The following PIK3C2A variants were observed in gnomAD, a reference collection of about 807,000 sequenced individuals.
The protein encoded by PIK3C2A is phosphatidylinositol 4-phosphate 3-kinase C2 domain-containing subunit alpha.
Under a neutral mutation model 204.5 loss-of-function variants are expected in PIK3C2A, and 97 were observed. The observed-to-expected ratio is 0.47, with a 90% CI of 0.40 to 0.56. The LOEUF (loss-of-function observed/expected upper bound fraction) is 0.56. PIK3C2A is among the 20% of genes least tolerant of loss of function. The pLI is 0.00. For missense variants in PIK3C2A, 1,735 were observed against 1,969.2 expected (o/e 0.88, Z 2.25); for synonymous variants, 653 against 664.4 (o/e 0.98, Z 0.26).
intron 6 of PIK3C2A, among the ~76,000 whole-genome samples, chr11:17,146,519 C>T (rs2137425124): frequency 6.6e-6 from 1 of 151,888 alleles, no homozygotes; most frequent in Non-Finnish European, 1.5e-5. Flanking sequence ...TCGAGACCAG[C>T]CTGGCCAACA....
intron 1 of PIK3C2A, among the ~76,000 whole-genome samples, chr11:17,185,760 G>A (rs1416131445): frequency 4.6e-5 from 7 of 151,956 alleles, no homozygotes; most frequent in East Asian, 1.9e-4. Flanking sequence ...TCTTCATTAC[G>A]TTCTCAATAC....
intron 1 of PIK3C2A, among the ~76,000 whole-genome samples, chr11:17,172,019 C>A (rs1001643031): frequency 2.0e-5 from 3 of 152,100 alleles, no homozygotes; most frequent in African/African-American, 7.2e-5. Context: ...CTAGGTGATA[C>A]AAATATGAGT....
chr11:17,184,340 G>A (rs947569534), intron 1 of PIK3C2A, among the ~76,000 whole-genome samples: 16 of 152,038 alleles, frequency 1.1e-4, no homozygotes, highest in Admixed American at 7.9e-4. Flanking sequence ...GGCCCCTGAG[G>A]ACTTCCAGTG....
chr11:17,165,760 A>T (rs1398192942), intron 2 of PIK3C2A, among the ~76,000 whole-genome samples: 1 of 142,022 alleles, frequency 7.0e-6, no homozygotes, highest in Non-Finnish European at 1.5e-5. Flanking sequence ...GGGCAACAAG[A>T]GAGAAACTGT....
intron 22 of PIK3C2A, among the ~76,000 whole-genome samples, chr11:17,108,679 T>C (rs1223740463): frequency 6.6e-6 from 1 of 152,174 alleles, no homozygotes; most frequent in African/African-American, 2.4e-5. Flanking sequence ...AAGACATGGC[T>C]TAGCAGAAGC....
At chr11:17,156,083 T>G (rs1277385778) in intron 2 of PIK3C2A, among the ~76,000 whole-genome samples, 1 of 152,110 alleles carries the variant, frequency 6.6e-6, no homozygotes, top group Non-Finnish European at 1.5e-5. Context: ...GAATGGGCAT[T>G]TTCTAGGTTA....
Position 17,124,890 on chromosome 11 carries a change from T to C in PIK3C2A, c.2400-2077A>G, listed in dbSNP as rs916178035. Among the ~76,000 whole-genome samples the C allele has an allele frequency of 2.0e-5, 3 of 152,202 alleles. No homozygotes were observed. The East Asian group carries it at 5.8e-4, about 29-fold the overall frequency. On this transcript the variant is annotated intron_variant, in intron 13 of 32. Coordinates refer to ENST00000691414, the MANE Select transcript of PIK3C2A (RefSeq NM_002645.4). ...TTTTGCTGGTTATACTCCTCTGGTG[T>C]CATTTCACATGTCCTCCTGTATTTT...
intron 26 of PIK3C2A, among the ~76,000 whole-genome samples, chr11:17,097,773 G>A (rs1057493055): frequency 6.6e-6 from 1 of 152,116 alleles, no homozygotes; most frequent in Non-Finnish European, 1.5e-5. Flanking sequence ...AATTAGCCAG[G>A]TGTGGTGGTG....
chr11:17,136,708 CT>C (rs1174402063), intron 8 of PIK3C2A, 83 bp from the exon 9 acceptor site: 3 of 681,874 alleles, frequency 4.4e-6, no homozygotes, highest in Non-Finnish European at 7.3e-6. Context: ...AACTAGATAT[CT>C]TAGATATCCC....
Position 17,174,543 on chromosome 11 carries a change from G to A in PIK3C2A, c.-65-4737C>T, listed in dbSNP as rs1242313362. Among the ~76,000 whole-genome samples, 6 of 75,226 alleles carry A rather than the reference G, an allele frequency of 8.0e-5. 2 individuals are homozygous for A. Among genetic ancestry groups the A allele is most frequent in the Non-Finnish European group, 9.7e-5 (4 of 41,102 alleles). The allele number at this position is 75,226 out of a possible 152,430, so 49.4% of individuals were successfully genotyped here. Reference sequence around the variant, plus strand: ...CGGGAGGCGGAGCTTGCAGTGAGCCGAGATCCCGCCACTGCACTCCAGCCT... The same window carrying A: ...CGGGAGGCGGAGCTTGCAGTGAGCCAAGATCCCGCCACTGCACTCCAGCCT... On this transcript the variant is annotated intron_variant, in intron 1 of 32. Coordinates refer to ENST00000691414, the MANE Select transcript of PIK3C2A (RefSeq NM_002645.4).
At chr11:17,166,310 T>G (rs995743896) in intron 2 of PIK3C2A, among the ~76,000 whole-genome samples, 10 of 152,090 alleles carry the variant, frequency 6.6e-5, no homozygotes, top group Admixed American at 6.5e-4. Flanking sequence ...AGAGTTCGGT[T>G]TGAGTATGTA....
At chr11:17,102,604 C>A in intron 24 of PIK3C2A, 58 bp downstream of exon 24, 1 of 1,415,762 alleles carries the variant, frequency 7.1e-7, no homozygotes, top group Admixed American at 2.1e-5. Context: ...TTGAGACAAA[C>A]TTTAATTTGT....
rs1590904209 is a variant in PIK3C2A at position 17,101,364 on chromosome 11, G to A, written c.3922C>T (p.Arg1308Cys). The change falls in exon 25 of 33, where the codon CGT (arginine) becomes TGT (cysteine). Residue 1308 changes from arginine to cysteine, a missense_variant. Arg to Cys is a radical substitution (Grantham distance 180, BLOSUM62 -3). Coordinates refer to ENST00000691414, the MANE Select transcript of PIK3C2A (RefSeq NM_002645.4). ...CAGAGGTCCACAAACAACTGAAAAC[G>A]AATGGTGGGCTTTTCACCCCCATTA... ...VINGGEKPTI[R>C]FQLFVDLCCQ... is the part of the protein sequence containing the mutation. 2 of 1,598,910 alleles carry A rather than the reference G, an allele frequency of 1.3e-6. No homozygotes were observed. Among genetic ancestry groups the A allele is most frequent in the East Asian group, 2.2e-5 (1 of 44,790 alleles).
chr11:17,144,644 T>C (rs921496425), intron 8 of PIK3C2A, among the ~76,000 whole-genome samples: 3 of 152,026 alleles, frequency 2.0e-5, no homozygotes, highest in Admixed American at 2.0e-4. Context: ...CCTGTAACCC[T>C]AGCACTTTAG....
intron 28 of PIK3C2A, among the ~76,000 whole-genome samples, chr11:17,092,842 C>CA (rs1029524503): frequency 1.3e-5 from 2 of 151,870 alleles, no homozygotes; most frequent in Admixed American, 6.6e-5. Flanking sequence ...AAAGTAATGG[C>CA]AAAAAACGCA....
chr11:17,110,412 G>A lies in PIK3C2A; in HGVS notation c.3544+20C>T. 6.3e-7 allele frequency: 1 copy of A among 1,595,630 alleles called. No individual in the cohort carries two copies. Among genetic ancestry groups the A allele is most frequent in the Non-Finnish European group, 8.5e-7 (1 of 1,171,438 alleles). On this transcript the variant is annotated intron_variant, in intron 22 of 32. Coordinates refer to ENST00000691414, the MANE Select transcript of PIK3C2A (RefSeq NM_002645.4). ...TTCAAGGAAAAAAATAAGACATCAA[G>A]ACACAGCTAATAAACTTACCTCGAT...
intron 27 of PIK3C2A, 52 bp downstream of exon 27, chr11:17,097,005 G>A: frequency 9.4e-7 from 1 of 1,068,600 alleles, no homozygotes; most frequent in Non-Finnish European, 1.4e-6. Flanking sequence ...GAAGTAGAAA[G>A]GACAACAATA....
chr11:17,093,415 T>C (rs1009588989), intron 28 of PIK3C2A, among the ~76,000 whole-genome samples: 3 of 152,154 alleles, frequency 2.0e-5, no homozygotes, highest in Non-Finnish European at 2.9e-5. Context: ...TACAGGCGCC[T>C]GCCACCATGC....
chr11:17,135,747 A>G (rs897187516), intron 9 of PIK3C2A, among the ~76,000 whole-genome samples: 2 of 151,888 alleles, frequency 1.3e-5, no homozygotes, highest in Non-Finnish European at 2.9e-5. Context: ...GCACATAAAA[A>G]AGTAGAAAAA....
Sources: gnomAD v4.1 joint callset for allele counts (sites outside exome capture counted in the v4.1 genomes callset) on GRCh38, gnomAD v4.1.1 for gene constraint, MANE v1.5 for transcripts, NCBI Gene and HGNC (gene_info 2026-07-23, HGNC 2026-07-21) for gene names.